Variants in ZNF609 observed in about 807,000 individuals in gnomAD.
ZNF609 encodes zinc finger protein 609.
ZNF609 carries 11 observed loss-of-function variants against 109.5 expected under a neutral mutation model. The observed-to-expected ratio is 0.10, with a 90% CI of 0.06 to 0.17. ZNF609 has a LOEUF of 0.17. Ranked by LOEUF, ZNF609 falls within the 10% of genes least tolerant of loss-of-function variation. The pLI is 1.00. For missense variants in ZNF609, 1,559 were observed against 1,772.4 expected (o/e 0.88, Z 2.16); for synonymous variants, 646 against 662.0 (o/e 0.98, Z 0.37).
chr15:64,527,130 A>C (rs1460767057), intron 2 of ZNF609, among the ~76,000 whole-genome samples: 2 of 151,472 alleles, frequency 1.3e-5, no homozygotes, highest in Non-Finnish European at 2.9e-5. Flanking sequence ...CCCCTACTTA[A>C]GCTGAATAAC....
Position 64,609,064 on chromosome 15 carries a change from TTTTCTTTC to T in ZNF609, c.748-13703_748-13696del, listed in dbSNP as rs3057833. Among the ~76,000 whole-genome samples the T allele has an allele frequency of 9.4e-3, 1,119 of 119,126 alleles. 8 individuals are homozygous for T. The highest frequency in any genetic ancestry group is 0.019 in the African/African-American group (578 of 30,160). 78.2% of individuals were successfully genotyped at this position (119,126 alleles called of 152,430 possible). ...GTTACTTGCATGTTTTAGTTTTAAT[TTTTCTTTC>T]TTTCTTTCTTTCTTTCTTTCTTTCT... On this transcript the variant is annotated intron_variant, in intron 2 of 9. Transcript: ENST00000326648.
chr15:64,476,094 T>A (rs1046581460), intron 1 of ZNF609, among the ~76,000 whole-genome samples: 8 of 152,198 alleles, frequency 5.3e-5, no homozygotes, highest in African/African-American at 1.9e-4. Flanking sequence ...CTAGTGGTGA[T>A]GCATGGCAGG....
At chr15:64,640,930 C>G (rs1896243981) in intron 3 of ZNF609, among the ~76,000 whole-genome samples, 1 of 152,136 alleles carries the variant, frequency 6.6e-6, no homozygotes, top group Non-Finnish European at 1.5e-5. Flanking sequence ...TGCATTTCTC[C>G]CATCTTTCCC....
At chr15:64,467,344 A>G (rs1327069489) in intron 1 of ZNF609, among the ~76,000 whole-genome samples, 2 of 152,136 alleles carry the variant, frequency 1.3e-5, no homozygotes. Flanking sequence ...TCCTCCCAGC[A>G]ATATCTCTAC....
chr15:64,603,385 C>T (rs1332102902), intron 2 of ZNF609, among the ~76,000 whole-genome samples: 2 of 151,712 alleles, frequency 1.3e-5, no homozygotes, highest in Non-Finnish European at 2.9e-5. Flanking sequence ...ATTCTTCTGC[C>T]TCAGCCCCCA....
intron 6 of ZNF609, among the ~76,000 whole-genome samples, chr15:64,679,155 C>T (rs1267290788): frequency 6.6e-6 from 1 of 152,188 alleles, no homozygotes; most frequent in Non-Finnish European, 1.5e-5. Flanking sequence ...TCACCACAGC[C>T]TCCACCTCCT....
At chr15:64,505,357 T>A (rs1412609508) in intron 2 of ZNF609, among the ~76,000 whole-genome samples, 1 of 152,192 alleles carries the variant, frequency 6.6e-6, no homozygotes, top group African/African-American at 2.4e-5. Flanking sequence ...TAGTGCTTCT[T>A]CCTTGGACAC....
intron 3 of ZNF609, among the ~76,000 whole-genome samples, chr15:64,648,720 A>G (rs1329506221): frequency 6.7e-6 from 1 of 150,340 alleles, no homozygotes; most frequent in African/African-American, 2.5e-5. Context: ...ATTATTGGAA[A>G]TACTGTCTGA....
In ZNF609 at chr15:64,674,481, G is replaced by A; in HGVS notation, c.1627G>A (p.Ala543Thr). The change falls in exon 5 of 10, where the codon GCA becomes ACA. Residue 543 changes from alanine to threonine, a missense_variant. Physicochemically the swap from Ala to Thr is moderately conservative, Grantham distance 58. Around this residue, in one of 4 missense-constraint regions of ZNF609, gnomAD observed 1,204 missense variants for 1,314.1 expected, o/e 0.92. Coordinates refer to ENST00000326648, the MANE Select transcript of ZNF609 (RefSeq NM_015042.2). ...GTACGGAGAGGAACCTATTCTCCAT[G>A]CAGATCTTGGGAGCTGCAACGGTGC... ...SEYGEEPILH[A>T]DLGSCNGASV... 6.2e-7 allele frequency: 1 copy of A among 1,614,210 alleles called. No individual in the cohort carries two copies. Among genetic ancestry groups the A allele is most frequent in the Non-Finnish European group, 8.5e-7 (1 of 1,180,048 alleles).
At chr15:64,616,812 CTTTTTT>C (rs56338576) in intron 2 of ZNF609, among the ~76,000 whole-genome samples, 1 of 32,832 alleles carries the variant, frequency 3.0e-5, no homozygotes, top group Non-Finnish European at 4.8e-5. Flanking sequence ...AGCCACCATG[CTTTTTT>C]TTTTTTTTTT....
intron 2 of ZNF609, chr15:64,529,774 A>G (rs1005929870): frequency 9.9e-6 from 5 of 507,322 alleles, no homozygotes; most frequent in African/African-American, 7.7e-5. Context: ...CTTGTTACCC[A>G]GGCTGGAGTG....
chr15:64,596,382 C>G (rs1165132889), intron 2 of ZNF609, among the ~76,000 whole-genome samples: 1 of 152,092 alleles, frequency 6.6e-6, no homozygotes, highest in Non-Finnish European at 1.5e-5. Flanking sequence ...TCTCAAACTC[C>G]TGACCTTGTG....
chr15:64,598,778 A>G (rs896932567), intron 2 of ZNF609, among the ~76,000 whole-genome samples: 2 of 134,882 alleles, frequency 1.5e-5, no homozygotes, highest in African/African-American at 2.8e-5. Flanking sequence ...ATATATATAT[A>G]TATATATATC....
intron 1 of ZNF609, among the ~76,000 whole-genome samples, chr15:64,473,672 A>G (rs886524568): frequency 1.4e-5 from 2 of 148,116 alleles, no homozygotes; most frequent in African/African-American, 5.0e-5. Flanking sequence ...GTGGTGCGAT[A>G]TCGGCTTACT....
rs879709902 is a variant in ZNF609, at chr15:64,607,187, AAAAAT to A, written c.748-15636_748-15632del. Among the ~76,000 whole-genome samples the A allele has an allele frequency of 3.9e-3, 591 of 151,986 alleles. 4 individuals are homozygous for A. Among genetic ancestry groups the A allele is most frequent in the Non-Finnish European group, 6.3e-3 (430 of 67,958 alleles). ...GTAAAAAATAAATAAATAAAGTAAA[AAAAAT>A]AAATAAATAATAGAACTATCATTTA... On this transcript the variant is annotated intron_variant, in intron 2 of 9. Transcript: ENST00000326648.
intron 3 of ZNF609, among the ~76,000 whole-genome samples, chr15:64,642,066 G>T (rs1896268489): frequency 1.3e-5 from 2 of 152,172 alleles, no homozygotes; most frequent in Non-Finnish European, 2.9e-5. Flanking sequence ...CTGATTGGAG[G>T]TTCTGCCTAC....
intron 2 of ZNF609, chr15:64,500,843 A>G (rs894096250): frequency 4.0e-4 from 69 of 171,062 alleles, no homozygotes; most frequent in Non-Finnish European, 8.1e-4. Flanking sequence ...TCCCACAACT[A>G]TTAGGAATCA....
In ZNF609 at chr15:64,674,161, C is replaced by T. The variant is rs1368087910; in HGVS notation, c.1307C>T (p.Ser436Leu). Residue 436 changes from serine to leucine, a missense_variant, in exon 5 of 10, where the codon TCA (serine) becomes TTA (leucine). Physicochemically the swap from Ser to Leu is moderately radical, Grantham distance 145 (BLOSUM62 -2). This residue lies in a region of ZNF609 where 1,204 missense variants were observed against 1,314.1 expected (regional missense o/e 0.92). Transcript: ENST00000326648. ...GAGGATGTCAAGGCCAGCCCTTCCT[C>T]AGCTAATAAGCGGAAAAACAAACCC... Reference protein sequence around the residue: ...TSEDVKASPSSANKRKNKPLS... With the variant: ...TSEDVKASPSLANKRKNKPLS... 2.5e-6 allele frequency: 4 copies of T among 1,614,086 alleles called. No homozygotes were observed. Among genetic ancestry groups the T allele is most frequent in the Non-Finnish European group, 3.4e-6 (4 of 1,180,052 alleles).
chr15:64,634,079 T>C (rs1896131567), intron 3 of ZNF609, among the ~76,000 whole-genome samples: 1 of 151,524 alleles, frequency 6.6e-6, no homozygotes, highest in African/African-American at 2.4e-5. Context: ...CATATATATA[T>C]GTGTGTGTGT....
Sources: allele counts gnomAD v4.1 joint callset (sites outside exome capture counted in the v4.1 genomes callset), GRCh38; gene constraint gnomAD v4.1.1; regional missense constraint gnomAD v4.1.1; transcripts MANE v1.5; gene names NCBI Gene and HGNC (gene_info 2026-07-23, HGNC 2026-07-21).